Variants in RGMA observed in about 807,000 individuals in gnomAD.
RGMA encodes the protein repulsive guidance molecule BMP co-receptor a, also known as repulsive guidance molecule A.
Under a neutral mutation model 23.2 loss-of-function variants are expected in RGMA, and 10 were observed. The ratio of observed to expected loss-of-function variants is 0.43; its 90% CI spans 0.27 to 0.73. RGMA has a LOEUF of 0.73. Ranked by LOEUF, RGMA falls within the 30% of genes least tolerant of loss-of-function variation. RGMA has a pLI of 0.20. For synonymous variants in RGMA, 308 were observed against 279.3 expected (o/e 1.10, Z -1.03); for missense variants, 547 against 630.5 (o/e 0.87, Z 1.42).
chr15:93,082,299 T>C (rs977590353), intron 1 of RGMA, among the ~76,000 whole-genome samples: 1 of 152,250 alleles, frequency 6.6e-6, no homozygotes, highest in Non-Finnish European at 1.5e-5. Flanking sequence ...CCTTGACTTC[T>C]AGGTGGGTTT....
intron 1 of RGMA, chr15:93,073,734 C>G (rs373211755): frequency 2.0e-6 from 3 of 1,537,218 alleles, no homozygotes; most frequent in East Asian, 2.4e-5. Context: ...GGTTCCCGCC[C>G]GTCGTGGCCC....
chr15:93,073,591 T>G, intron 1 of RGMA: 1 of 1,535,812 alleles, frequency 6.5e-7, no homozygotes, highest in Admixed American at 2.0e-5. Context: ...GACCCCAAGC[T>G]TCCACCGACG....
At chr15:93,067,160 G>A (rs1255695900) in intron 2 of RGMA, among the ~76,000 whole-genome samples, 1 of 152,170 alleles carries the variant, frequency 6.6e-6, no homozygotes, top group Non-Finnish European at 1.5e-5. Context: ...GTCTGTGGGA[G>A]GTTGGATTTT....
Position 93,045,520 on chromosome 15 carries a change from G to C in RGMA, c.831C>G (p.Ile277Met), listed in dbSNP as rs767777497. ...CCTGGCGCACCACGATGGTGGTGCC[G>C]ATGTACTTGGCCTGGATCTCCACGT... Reference protein sequence around the residue: ...GQHVEIQAKYIGTTIVVRQVG... With the variant: ...GQHVEIQAKYMGTTIVVRQVG... The change falls in exon 4 of 4, where the codon ATC becomes ATG. Residue 277 changes from isoleucine to methionine, a missense_variant. Ile to Met is a conservative substitution (Grantham distance 10). Transcript: ENST00000329082. The surrounding 1 kb of genome is among the most constrained non-coding windows in gnomAD (Gnocchi z 6.9). The C allele has an allele frequency of 6.2e-7, 1 of 1,613,280 alleles. No individual in the cohort carries two copies. Among genetic ancestry groups the C allele is most frequent in the Non-Finnish European group, 8.5e-7 (1 of 1,179,858 alleles).
intron 2 of RGMA, chr15:93,066,111 G>T: frequency 1.4e-6 from 2 of 1,410,968 alleles, no homozygotes; most frequent in Non-Finnish European, 2.0e-6. Context: ...GTAGGTTGGG[G>T]GCATAACAGC....
intron 2 of RGMA, chr15:93,065,803 C>T (rs1728537329): frequency 2.1e-6 from 2 of 941,862 alleles, no homozygotes; most frequent in Non-Finnish European, 1.7e-6. Context: ...GTGGTCTGGG[C>T]CAGAATTGAG....
chr15:93,081,356 G>A (rs767222174), intron 1 of RGMA, among the ~76,000 whole-genome samples: 18 of 152,186 alleles, frequency 1.2e-4, no homozygotes, highest in East Asian at 5.8e-4. Flanking sequence ...GGCCAAGCAC[G>A]TAGGAAATGT....
intron 1 of RGMA, chr15:93,073,535 C>G (rs1895410958): frequency 1.4e-6 from 2 of 1,472,590 alleles, no homozygotes; most frequent in African/African-American, 2.8e-5. Flanking sequence ...AGTAGAAAAA[C>G]TGTCCTTGGA....
intron 2 of RGMA, among the ~76,000 whole-genome samples, chr15:93,064,342 A>C (rs1325562775): frequency 1.3e-5 from 2 of 152,256 alleles, no homozygotes; most frequent in Non-Finnish European, 2.9e-5. Flanking sequence ...CGATGCTTGC[A>C]GGTGAGCACT....
At chr15:93,061,194 G>A (rs1281124801) in intron 2 of RGMA, among the ~76,000 whole-genome samples, 1 of 152,084 alleles carries the variant, frequency 6.6e-6, no homozygotes, top group Admixed American at 6.5e-5. Context: ...TCACTCTGTC[G>A]CCCAGGCTGG....
In RGMA at chr15:93,040,357, C is replaced by G. The variant is rs2054709411; in HGVS notation, c.*4641G>C. On this transcript the variant is annotated 3_prime_UTR_variant, in exon 4 of 4. Transcript: ENST00000329082. ...TACTTTGGCTGCTCTGTGGCCTCAC[C>G]TGGGACCCCTGGTCTGTCCACTTGC... 1 of 152,488 alleles carries G rather than the reference C, an allele frequency of 6.6e-6. No homozygotes were observed. Among genetic ancestry groups the G allele is most frequent in the East Asian group, 1.9e-4 (1 of 5,196 alleles). 9.4% of individuals were successfully genotyped at this position (152,488 alleles called of 1,614,324 possible).
rs1461506070 is a variant in RGMA, at chr15:93,044,828, T to C, written c.*170A>G. 5 of 613,424 alleles carry C rather than the reference T, an allele frequency of 8.2e-6. No individual in the cohort carries two copies. Among genetic ancestry groups the C allele is most frequent in the African/African-American group, 7.4e-5 (4 of 53,960 alleles). 38.0% of individuals were successfully genotyped at this position (613,424 alleles called of 1,614,324 possible). On this transcript the variant is annotated 3_prime_UTR_variant, in exon 4 of 4. Transcript: ENST00000329082. ...CACCAGTCACCACAACCTTGTCACGTGCACTAGAAGGGGAGGGGTCCGTGC... is the reference window on the plus strand; with the variant it reads ...CACCAGTCACCACAACCTTGTCACGCGCACTAGAAGGGGAGGGGTCCGTGC...
chr15:93,079,841 G>A (rs552777605), intron 1 of RGMA, among the ~76,000 whole-genome samples: 1 of 152,240 alleles, frequency 6.6e-6, no homozygotes, highest in African/African-American at 2.4e-5. Context: ...CGCTTCTCAG[G>A]TAGGGTGGAC....
chr15:93,081,699 T>A (rs1470572356), intron 1 of RGMA, among the ~76,000 whole-genome samples: 1 of 152,228 alleles, frequency 6.6e-6, no homozygotes, highest in Non-Finnish European at 1.5e-5. Flanking sequence ...GATTAATGAA[T>A]AATTTAGTGC....
chr15:93,078,882 G>A (rs1224557692), intron 1 of RGMA, among the ~76,000 whole-genome samples: 1 of 152,206 alleles, frequency 6.6e-6, no homozygotes, highest in Non-Finnish European at 1.5e-5. Context: ...AAGACCCCAA[G>A]GATCCTCCTT....
At position 93,036,686 on chromosome 15, in the gene RGMA, C is replaced by G. The variant is rs2054664798; in HGVS notation, c.*8312G>C. 1 of 152,324 alleles carries G rather than the reference C, an allele frequency of 6.6e-6. No homozygotes were observed. 9.4% of individuals were successfully genotyped at this position (152,324 alleles called of 1,614,324 possible). On this transcript the variant is annotated 3_prime_UTR_variant, in exon 4 of 4. Transcript: ENST00000329082. ...CCGCCCCTGCTGTGGGGCTCACGAG[C>G]ATGCCTTGAACACAGGCTGCCTGTG...
intron 1 of RGMA, among the ~76,000 whole-genome samples, chr15:93,079,942 GC>G (rs1895531560): frequency 6.6e-6 from 1 of 152,276 alleles, no homozygotes; most frequent in South Asian, 2.1e-4. Context: ...CGAGGATGTT[GC>G]TGCCATCTTC....
Position 93,044,836 on chromosome 15 carries a change from AAGGGG to A in RGMA, c.*157_*161del. On this transcript the variant is annotated 3_prime_UTR_variant, in exon 4 of 4. Coordinates refer to ENST00000329082, the MANE Select transcript of RGMA (RefSeq NM_020211.3). ...ACCACAACCTTGTCACGTGCACTAGAAGGGGAGGGGTCCGTGCCTGAGCCCTTGGC... is the reference window on the plus strand; with the variant it reads ...ACCACAACCTTGTCACGTGCACTAGAAGGGGTCCGTGCCTGAGCCCTTGGC... 1.6e-6 allele frequency: 1 copy of A among 620,916 alleles called. No homozygotes were observed. Among genetic ancestry groups the A allele is most frequent in the South Asian group, 2.0e-5 (1 of 50,698 alleles). The allele number at this position is 620,916 out of a possible 1,614,324, so 38.5% of individuals were successfully genotyped here. A position where few individuals can be genotyped will look rare whatever the true frequency, so the allele number is the denominator to read the frequency against.
chr15:93,081,471 G>A (rs1246819443), intron 1 of RGMA, among the ~76,000 whole-genome samples: 1 of 152,182 alleles, frequency 6.6e-6, no homozygotes, highest in Non-Finnish European at 1.5e-5. Context: ...GAAACATTCA[G>A]CAACCGCCTG....
Sources: gnomAD v4.1 joint callset for allele counts (sites outside exome capture counted in the v4.1 genomes callset) on GRCh38, gnomAD v4.1.1 for gene constraint, Gnocchi (gnomAD v3.1) non-coding constraint, MANE v1.5 for transcripts, NCBI Gene and HGNC (gene_info 2026-07-23, HGNC 2026-07-21) for gene names.